The following ANO2 variants were observed in gnomAD, a reference collection of about 807,000 sequenced individuals.
ANO2 encodes anoctamin 2, also known as anoctamin-2.
A neutral mutation model predicts 124.2 loss-of-function variants in ANO2; 101 were observed. The ratio of observed to expected loss-of-function variants is 0.81; its 90% CI spans 0.69 to 0.96. ANO2 has a LOEUF of 0.96. Ranked by LOEUF, ANO2 falls within the 40% of genes least tolerant of loss-of-function variation. The pLI, the probability that ANO2 is intolerant of heterozygous loss-of-function variation, is 0.00. For missense variants in ANO2, 1,293 were observed against 1,274.5 expected (o/e 1.01, Z -0.22); for synonymous variants, 486 against 482.5 (o/e 1.01, Z -0.09).
intron 3 of ANO2, among the ~76,000 whole-genome samples, chr12:5,905,502 G>A (rs1158021696): frequency 2.6e-5 from 4 of 152,146 alleles, no homozygotes; most frequent in Non-Finnish European, 5.9e-5. Context: ...AGGCCCCAGT[G>A]GCAGGAAAGA....
intron 15 of ANO2, among the ~76,000 whole-genome samples, chr12:5,640,165 AC>A (rs1946262066): frequency 6.6e-6 from 1 of 152,132 alleles, no homozygotes; most frequent in Non-Finnish European, 1.5e-5. Context: ...TGCTCTCATC[AC>A]CCCATGAAAA....
At chr12:5,886,633 T>C (rs1219612203) in intron 3 of ANO2, among the ~76,000 whole-genome samples, 4 of 152,200 alleles carry the variant, frequency 2.6e-5, no homozygotes, top group African/African-American at 9.6e-5. Flanking sequence ...GAAACTTTGG[T>C]AGATGTTGGA....
At chr12:5,772,437 A>G (rs991733752) in intron 10 of ANO2, among the ~76,000 whole-genome samples, 3 of 152,256 alleles carry the variant, frequency 2.0e-5, no homozygotes, top group African/African-American at 7.2e-5. Context: ...GGAATAAAAG[A>G]TAATTATTAG....
At chr12:5,912,082 G>A (rs115738307) in intron 3 of ANO2, among the ~76,000 whole-genome samples, 176 of 152,304 alleles carry the variant, frequency 1.2e-3, no homozygotes, top group African/African-American at 4.0e-3. Flanking sequence ...CCCTTCTGAG[G>A]AATCCTAGAG....
intron 16 of ANO2, among the ~76,000 whole-genome samples, chr12:5,630,839 C>A (rs1040134133): frequency 1.3e-5 from 2 of 152,182 alleles, no homozygotes; most frequent in Non-Finnish European, 2.9e-5. Context: ...TACAGAATGA[C>A]CATGTACTTT....
chr12:5,777,971 C>T (rs188238852), intron 10 of ANO2, among the ~76,000 whole-genome samples: 44 of 152,286 alleles, frequency 2.9e-4, no homozygotes, highest in African/African-American at 1.0e-3. Flanking sequence ...GGGATGGTGT[C>T]CAGCTGTTCC....
intron 7 of ANO2, among the ~76,000 whole-genome samples, chr12:5,820,025 A>G (rs1953733437): frequency 6.6e-6 from 1 of 152,252 alleles, no homozygotes; most frequent in Non-Finnish European, 1.5e-5. Context: ...CTTAATTTAT[A>G]TAAGCAGAAA....
intron 14 of ANO2, among the ~76,000 whole-genome samples, chr12:5,691,000 C>G (rs1203773862): frequency 6.6e-6 from 1 of 152,118 alleles, no homozygotes; most frequent in African/African-American, 2.4e-5. Flanking sequence ...CTCACAGGAG[C>G]TTACATATTA....
intron 3 of ANO2, among the ~76,000 whole-genome samples, chr12:5,890,522 C>T (rs779095324): frequency 3.4e-4 from 52 of 152,170 alleles, no homozygotes; most frequent in Admixed American, 7.2e-4. Context: ...AGAAAGAATT[C>T]AGCCTAATAA....
At chr12:5,795,788 G>C (rs1020782534) in intron 10 of ANO2, among the ~76,000 whole-genome samples, 6 of 152,110 alleles carry the variant, frequency 3.9e-5, no homozygotes, top group Non-Finnish European at 8.8e-5. Flanking sequence ...CTAGTATTGG[G>C]TCAGACCTGT....
At chr12:5,917,191 G>A (rs1395393148) in intron 3 of ANO2, among the ~76,000 whole-genome samples, 1 of 152,112 alleles carries the variant, frequency 6.6e-6, no homozygotes, top group Non-Finnish European at 1.5e-5. Context: ...GCCAAAGCGG[G>A]GAACATCTGA....
intron 3 of ANO2, among the ~76,000 whole-genome samples, chr12:5,892,587 T>C (rs1229353671): frequency 6.6e-6 from 1 of 152,176 alleles, no homozygotes; most frequent in African/African-American, 2.4e-5. Flanking sequence ...TGACCACAGA[T>C]TTCTCATGAG....
At chr12:5,702,658 C>A (rs532995253) in intron 14 of ANO2, among the ~76,000 whole-genome samples, 52 of 151,696 alleles carry the variant, frequency 3.4e-4, no homozygotes, top group Admixed American at 3.3e-3. Flanking sequence ...CCAAGTATTT[C>A]CAAGATTCAT....
chr12:5,859,081 G>A (rs763359114), intron 3 of ANO2, among the ~76,000 whole-genome samples: 11 of 152,196 alleles, frequency 7.2e-5, no homozygotes, highest in South Asian at 2.1e-4. Flanking sequence ...GAGATTAGCC[G>A]TCAGAGGATA....
intron 15 of ANO2, among the ~76,000 whole-genome samples, chr12:5,641,435 G>A (rs952661775): frequency 3.3e-5 from 5 of 151,874 alleles, no homozygotes; most frequent in South Asian, 2.1e-4. Context: ...AAAAAGAAAC[G>A]GGGACAAGTT....
chr12:5,729,242 T>C (rs1950546634), intron 14 of ANO2, among the ~76,000 whole-genome samples: 2 of 152,176 alleles, frequency 1.3e-5, no homozygotes, highest in Admixed American at 1.3e-4. Flanking sequence ...ATATAAAGAA[T>C]TTCTTATATC....
chr12:5,867,693 G>A (rs899290458), intron 3 of ANO2, among the ~76,000 whole-genome samples: 3 of 149,366 alleles, frequency 2.0e-5, no homozygotes, highest in African/African-American at 7.4e-5. Context: ...TATGAATAAA[G>A]GCTATCGAAT....
intron 4 of ANO2, among the ~76,000 whole-genome samples, chr12:5,841,552 G>A (rs1345815571): frequency 6.6e-6 from 1 of 152,188 alleles, no homozygotes; most frequent in Non-Finnish European, 1.5e-5. Flanking sequence ...AGGCCTCTTA[G>A]GCGCCATGCC....
chr12:5,595,314 C>T (rs1331734322), intron 20 of ANO2, among the ~76,000 whole-genome samples: 1 of 152,106 alleles, frequency 6.6e-6, no homozygotes, highest in Non-Finnish European at 1.5e-5. Context: ...AATCCTCCCA[C>T]CTCAGCCTCC....
Sources: allele counts gnomAD v4.1 joint callset (sites outside exome capture counted in the v4.1 genomes callset), GRCh38; gene constraint gnomAD v4.1.1; transcripts MANE v1.5; gene names NCBI Gene and HGNC (gene_info 2026-07-23, HGNC 2026-07-21).